CREB5: variants seen among roughly 807,000 people sequenced by gnomAD.
The protein encoded by CREB5 is cAMP responsive element binding protein 5, also known as cyclic AMP-responsive element-binding protein 5.
A neutral mutation model predicts 57.1 loss-of-function variants in CREB5; 19 were observed. The observed-to-expected ratio is 0.33, with a 90% CI of 0.23 to 0.49. The LOEUF (loss-of-function observed/expected upper bound fraction) is 0.49. Ranked by LOEUF, CREB5 falls within the 20% of genes least tolerant of loss-of-function variation. CREB5 has a pLI of 0.99. For synonymous variants in CREB5, 238 were observed against 238.3 expected (o/e 1.00, Z 0.01); for missense variants, 579 against 671.6 (o/e 0.86, Z 1.52).
In CREB5 at chr7:28,704,852, A is replaced by C. The variant is rs562537836; in HGVS notation, c.465-13901A>C. On this transcript the variant is annotated intron_variant, in intron 5 of 10. Transcript: ENST00000357727. ...TCAGCCATTTTTTGTGTGTGTGTGC[A>C]TGAGGAAACAGAAACTCAGAGGCAC... Among the ~76,000 whole-genome samples, 9 of 152,262 alleles carry C rather than the reference A, an allele frequency of 5.9e-5. No homozygotes were observed. The East Asian group carries it at 1.5e-3, about 26-fold the overall frequency.
intron 1 of CREB5, among the ~76,000 whole-genome samples, chr7:28,445,681 A>G (rs932895389): frequency 2.1e-4 from 32 of 151,940 alleles, no homozygotes; most frequent in Non-Finnish European, 4.3e-4. Flanking sequence ...CCTCCCGAGT[A>G]GCTGGGACTA....
At position 28,428,818 on chromosome 7, in the gene CREB5, C is replaced by A. The variant is rs181615338; in HGVS notation, c.3+15901C>A. Among the ~76,000 whole-genome samples, 170 of 152,200 alleles carry A rather than the reference C, an allele frequency of 1.1e-3. 1 individual carries two copies. Among genetic ancestry groups the A allele is most frequent in the Middle Eastern group, 0.01 (3 of 294 alleles). ...CCAGCCTCATCTCACAGCACACAGC[C>A]CTTTCCAGAGTGAGCCCCAGCCACG... On this transcript the variant is annotated intron_variant, in intron 1 of 10. Transcript: ENST00000357727.
intron 1 of CREB5, among the ~76,000 whole-genome samples, chr7:28,451,404 G>C (rs1246289725): frequency 6.6e-6 from 1 of 151,830 alleles, no homozygotes; most frequent in Non-Finnish European, 1.5e-5. Flanking sequence ...CAATGAATCT[G>C]GATTCTAGCC....
Position 28,623,565 on chromosome 7 carries a change from C to A in CREB5, c.464+53028C>A, listed in dbSNP as rs150113475. Among the ~76,000 whole-genome samples, 87 of 152,286 alleles carry A rather than the reference C, an allele frequency of 5.7e-4. No individual in the cohort carries two copies. In the East Asian group the frequency reaches 0.013, roughly 23 times the overall value. ...GTATGTATTACAGCAAAGTCACTTACAGATCAAGATTTATTTTTAGAATCT... is the reference window on the plus strand; with the variant it reads ...GTATGTATTACAGCAAAGTCACTTAAAGATCAAGATTTATTTTTAGAATCT... On this transcript the variant is annotated intron_variant, in intron 5 of 10. Coordinates refer to ENST00000357727, the MANE Select transcript of CREB5 (RefSeq NM_182898.4).
intron 1 of CREB5, among the ~76,000 whole-genome samples, chr7:28,351,445 G>A (rs921048836): frequency 2.0e-5 from 3 of 152,176 alleles, no homozygotes; most frequent in Non-Finnish European, 2.9e-5. Context: ...GGGAAAGCAG[G>A]TTGCCTGCAC....
In CREB5 at chr7:28,825,061, A is replaced by T. The variant is rs1197527887; in HGVS notation, c.*5782A>T. 1 of 152,694 alleles carries T rather than the reference A, an allele frequency of 6.5e-6. No homozygotes were observed. The highest frequency in any genetic ancestry group is 1.5e-5 in the Non-Finnish European group (1 of 68,046). 9.5% of individuals were successfully genotyped at this position (152,694 alleles called of 1,614,324 possible). ...ATAGAATAATTTAGCCTCAGGACTGAGAATGTGGAAGCTGAATAAATTAGC... is the reference window on the plus strand; with the variant it reads ...ATAGAATAATTTAGCCTCAGGACTGTGAATGTGGAAGCTGAATAAATTAGC... On this transcript the variant is annotated 3_prime_UTR_variant, in exon 11 of 11. Coordinates refer to ENST00000357727, the MANE Select transcript of CREB5 (RefSeq NM_182898.4).
At chr7:28,673,865 G>T (rs761086249) in intron 5 of CREB5, among the ~76,000 whole-genome samples, 2 of 151,430 alleles carry the variant, frequency 1.3e-5, no homozygotes, top group Non-Finnish European at 2.9e-5. Context: ...GTAGAGACGG[G>T]GTCTCATCAT....
intron 5 of CREB5, among the ~76,000 whole-genome samples, chr7:28,638,207 T>C (rs1798500777): frequency 6.6e-6 from 1 of 151,220 alleles, no homozygotes; most frequent in South Asian, 2.1e-4. Flanking sequence ...GCAGTGTTGG[T>C]TAAGAAAATC....
intron 5 of CREB5, among the ~76,000 whole-genome samples, chr7:28,612,450 C>T (rs1797427958): frequency 6.6e-6 from 1 of 151,578 alleles, no homozygotes; most frequent in Non-Finnish European, 1.5e-5. Context: ...GTATGCTGTG[C>T]TGATGATGTT....
rs1554344374 is a variant in CREB5 at position 28,560,881 on chromosome 7, T to TGTGCGCGTGCGGGTGC, written c.292-9483_292-9482insTGCGCGTGCGGGTGCG. On this transcript the variant is annotated intron_variant, in intron 4 of 10. Transcript: ENST00000357727. ...GTGCGTGTGCCTGCGTGCGCGTGCG[T>TGTGCGCGTGCGGGTGC]GCGTGCGTGTGTGTGCGTGCGCGCG... 6.5e-5 allele frequency among the ~76,000 whole-genome samples: 3 copies of TGTGCGCGTGCGGGTGC among 46,206 alleles called. 1 individual carries two copies. The highest frequency in any genetic ancestry group is 1.2e-4 in the Non-Finnish European group (3 of 24,654). The allele number at this position is 46,206 out of a possible 152,430, so 30.3% of individuals were successfully genotyped here. A position where few individuals can be genotyped will look rare whatever the true frequency, so the allele number is the denominator to read the frequency against.
chr7:28,387,305 G>C (rs943156753), intron 1 of CREB5, among the ~76,000 whole-genome samples: 1 of 152,046 alleles, frequency 6.6e-6, no homozygotes, highest in Non-Finnish European at 1.5e-5. Context: ...TTGGGGTTTT[G>C]ATTTGCATTT....
chr7:28,364,812 A>G (rs1484612700), intron 1 of CREB5, among the ~76,000 whole-genome samples: 2 of 152,204 alleles, frequency 1.3e-5, no homozygotes, highest in African/African-American at 2.4e-5. Flanking sequence ...GTCATCTGCT[A>G]GAAACTATCT....
At chr7:28,331,392 T>C (rs746385792) in intron 1 of CREB5, among the ~76,000 whole-genome samples, 12 of 152,218 alleles carry the variant, frequency 7.9e-5, no homozygotes, top group Non-Finnish European at 1.2e-4. Flanking sequence ...TTATGTGCTA[T>C]AGGTATACCT....
At chr7:28,426,558 T>C (rs1319678747) in intron 1 of CREB5, among the ~76,000 whole-genome samples, 1 of 152,194 alleles carries the variant, frequency 6.6e-6, no homozygotes, top group African/African-American at 2.4e-5. Context: ...TCTAGTACAG[T>C]GGTTCCAGAC....
chr7:28,785,905 T>G (rs1030210862), intron 7 of CREB5, among the ~76,000 whole-genome samples: 2 of 152,222 alleles, frequency 1.3e-5, no homozygotes, highest in African/African-American at 4.8e-5. Context: ...ATAAGGATCC[T>G]GTTTAAAGGG....
At chr7:28,666,686 G>T (rs1799838001) in intron 5 of CREB5, among the ~76,000 whole-genome samples, 1 of 152,054 alleles carries the variant, frequency 6.6e-6, no homozygotes. Context: ...TCAAACTTGG[G>T]CATGGTGGTT....
chr7:28,593,347 C>G (rs754012238), intron 5 of CREB5, among the ~76,000 whole-genome samples: 7 of 152,176 alleles, frequency 4.6e-5, no homozygotes, highest in Non-Finnish European at 8.8e-5. Flanking sequence ...CTCCTGGGTT[C>G]AAGCGGTTCT....
intron 1 of CREB5, among the ~76,000 whole-genome samples, chr7:28,450,485 T>G (rs761322976): frequency 1.3e-5 from 2 of 152,232 alleles, no homozygotes; most frequent in Non-Finnish European, 2.9e-5. Context: ...CAATTTCTCA[T>G]GCTGAAGAAA....
At chr7:28,424,280 G>A (rs1232655310) in intron 1 of CREB5, among the ~76,000 whole-genome samples, 2 of 152,144 alleles carry the variant, frequency 1.3e-5, no homozygotes, top group African/African-American at 4.8e-5. Context: ...CTCCTTTCAG[G>A]AAAACACAAT....
Sources: gnomAD v4.1 joint callset for allele counts (sites outside exome capture counted in the v4.1 genomes callset) on GRCh38, gnomAD v4.1.1 for gene constraint, MANE v1.5 for transcripts, NCBI Gene and HGNC (gene_info 2026-07-23, HGNC 2026-07-21) for gene names.